Variants in CHRNA3 observed in about 807,000 individuals in gnomAD.
CHRNA3 encodes the protein cholinergic receptor nicotinic alpha 3 subunit.
CHRNA3 carries 34 observed loss-of-function variants against 41.9 expected under a neutral mutation model. That is an observed-to-expected ratio of 0.81 (90% CI 0.62 to 1.08). The LOEUF (loss-of-function observed/expected upper bound fraction) is 1.08. Among genes scored for constraint, CHRNA3 ranks in the 50% least tolerant of loss-of-function variants. CHRNA3 has a pLI of 0.00. For synonymous variants in CHRNA3, 281 were observed against 265.2 expected (o/e 1.06, Z -0.58); for missense variants, 542 against 638.3 (o/e 0.85, Z 1.63).
At chr15:78,606,045 G>T (rs1287622376) in intron 4 of CHRNA3, among the ~76,000 whole-genome samples, 1 of 152,096 alleles carries the variant, frequency 6.6e-6, no homozygotes, top group Non-Finnish European at 1.5e-5. Flanking sequence ...CACAAACTGG[G>T]TACAGCAGCT....
At position 78,596,534 on chromosome 15, in the gene CHRNA3, T is replaced by TCTTACTAGGAAGCA; in HGVS notation, c.*56_*69dup. 2 of 1,372,098 alleles carry TCTTACTAGGAAGCA rather than the reference T, an allele frequency of 1.5e-6. No homozygotes were observed. The highest frequency in any genetic ancestry group is 1.9e-6 in the Non-Finnish European group (2 of 1,057,560). 85.0% of individuals were successfully genotyped at this position (1,372,098 alleles called of 1,614,324 possible). ...GGTAGCTTGATAACAGAAAGTACGT[T>TCTTACTAGGAAGCA]CTTACTAGGAAGCAGCCTCCTCCTG... On this transcript the variant is annotated 3_prime_UTR_variant, in exon 6 of 6. Coordinates refer to ENST00000326828, the MANE Select transcript of CHRNA3 (RefSeq NM_000743.5).
chr15:78,601,423 G>C lies in CHRNA3; in HGVS notation c.1219C>G (p.His407Asp). The C allele has an allele frequency of 4.3e-6, 7 of 1,614,156 alleles. No homozygotes were observed. Among genetic ancestry groups the C allele is most frequent in the Non-Finnish European group, 5.1e-6 (6 of 1,180,032 alleles). ...CQDGMCGYCHHRRIKISNFSA... is the reference protein window; with the variant it reads ...CQDGMCGYCHDRRIKISNFSA... ...AAATTGGAGATTTTTATCCTGCGGT[G>C]GTGGCAGTAACCACACATCCCGTCC... The change falls in exon 5 of 6, where the codon CAC becomes GAC. Residue 407 changes from histidine to aspartate, a missense_variant. Physicochemically the swap from His to Asp is moderately conservative, Grantham distance 81. Transcript: ENST00000326828.
In CHRNA3 at chr15:78,601,548, T is replaced by G. The variant is rs1266712422; in HGVS notation, c.1094A>C (p.Asn365Thr). The change falls in exon 5 of 6, where the codon AAC becomes ACC. Residue 365 changes from asparagine to threonine, a missense_variant. By Grantham distance (65) the Asn-to-Thr change is moderately conservative. Transcript: ENST00000326828. ...FMTRPTSNEG[N>T]AQKPRPLYGA... ...GTAGAGGGGCCTCGGCTTCTGAGCG[T>G]TGCCCTCGTTGCTTGTTGGCCTGGT... 1 of 1,614,178 alleles carries G rather than the reference T, an allele frequency of 6.2e-7. No individual in the cohort carries two copies. Among genetic ancestry groups the G allele is most frequent in the East Asian group, 2.2e-5 (1 of 44,864 alleles).
chr15:78,613,443 C>A (rs1343896352), intron 4 of CHRNA3, among the ~76,000 whole-genome samples: 1 of 145,792 alleles, frequency 6.9e-6, no homozygotes, highest in Non-Finnish European at 1.5e-5. Flanking sequence ...AACTGGAAAC[C>A]ATCATTCTCA....
Position 78,601,377 on chromosome 15 carries a change from C to T in CHRNA3, c.1265G>A (p.Ser422Asn). 1 of 1,614,204 alleles carries T rather than the reference C, an allele frequency of 6.2e-7. No individual in the cohort carries two copies. The highest frequency in any genetic ancestry group is 1.1e-5 in the South Asian group (1 of 91,084). The change falls in exon 5 of 6, where the codon AGC becomes AAC. Residue 422 changes from serine (S) to asparagine (N), a missense_variant. Coordinates refer to ENST00000326828, the MANE Select transcript of CHRNA3 (RefSeq NM_000743.5). ...AGCATCAACAGATTCAGAACTAGAG[C>T]TTCTCGTGAGGTTAGCACTGAAATT... ...ISNFSANLTR[S>N]SSSESVDAVL...
chr15:78,616,728 A>G (rs4887069), intron 4 of CHRNA3, among the ~76,000 whole-genome samples: 46,307 of 151,838 alleles, frequency 0.3, 8,208 homozygotes, highest in East Asian at 0.71. Context: ...CTGAGATCCT[A>G]CACAATCTTC....
rs1322789708 is a variant in CHRNA3, at chr15:78,595,856, A to C, written c.*748T>G. On this transcript the variant is annotated 3_prime_UTR_variant, in exon 6 of 6. Transcript: ENST00000326828. The stretch of plus-strand genomic sequence containing the variant: ...TAAAATAGACCCCACAGAGATAGCT[A>C]GTCCCTTCAGTCATGTGAGGACACA... 6.5e-6 allele frequency: 1 copy of C among 154,140 alleles called. No individual in the cohort carries two copies. Among genetic ancestry groups the C allele is most frequent in the African/African-American group, 2.4e-5 (1 of 41,176 alleles). 9.5% of individuals were successfully genotyped at this position (154,140 alleles called of 1,614,324 possible). A position where few individuals can be genotyped will look rare whatever the true frequency, so the allele number is the denominator to read the frequency against.
Position 78,596,787 on chromosome 15 carries a change from C to T in CHRNA3, c.1390-55G>A, listed in dbSNP as rs1567071062. On this transcript the variant is annotated intron_variant, in intron 5 of 5. Transcript: ENST00000326828. ...ACATGGAGGGAAAGGCAAATGAATA[C>T]ATTTTCAATACTGAAGATGTAATCA... 18 of 1,561,872 alleles carry T rather than the reference C, an allele frequency of 1.2e-5. No homozygotes were observed. The East Asian group carries it at 4.1e-4, about 36-fold the overall frequency.
chr15:78,620,677 C>A, intron 1 of CHRNA3, 36 bp downstream of exon 1: 1 of 1,499,374 alleles, frequency 6.7e-7, no homozygotes, highest in Non-Finnish European at 8.8e-7. Flanking sequence ...TTCTCGGGCG[C>A]CCGTCCCTCC....
In CHRNA3 at chr15:78,602,187, GGA is replaced by G; in HGVS notation, c.453_454del (p.Pro152GlyfsTer4). On this transcript the variant is annotated frameshift_variant, in exon 5 of 6. Coordinates refer to ENST00000326828, the MANE Select transcript of CHRNA3 (RefSeq NM_000743.5). LOFTEE classifies it high-confidence loss of function. ...TTTACAGGAGCTCTTAAAGATGGCC[GGA>G]GGTATCCAAGTCACCTCCCCAGTGT... 1 of 1,614,054 alleles carries G rather than the reference GGA, an allele frequency of 6.2e-7. No homozygotes were observed. Among genetic ancestry groups the G allele is most frequent in the Non-Finnish European group, 8.5e-7 (1 of 1,180,004 alleles).
intron 1 of CHRNA3, 129 bp from the exon 2 acceptor site, chr15:78,619,044 T>C: frequency 1.8e-6 from 2 of 1,104,740 alleles, no homozygotes; most frequent in African/African-American, 3.1e-5. Context: ...ACCCTAGACT[T>C]TCAGGCCAGT....
chr15:78,613,780 A>C (rs28453880), intron 4 of CHRNA3, among the ~76,000 whole-genome samples: 2 of 134,920 alleles, frequency 1.5e-5, no homozygotes, highest in South Asian at 2.3e-4. Flanking sequence ...AAAAAACCAA[A>C]AAAAACCACA....
At chr15:78,597,720 A>AT (rs2053135390) in intron 5 of CHRNA3, among the ~76,000 whole-genome samples, 1 of 152,196 alleles carries the variant, frequency 6.6e-6, no homozygotes, top group Non-Finnish European at 1.5e-5. Flanking sequence ...AGGAAGGAAA[A>AT]TTGTAATTAT....
chr15:78,619,145 T>G, intron 1 of CHRNA3: 1 of 580,916 alleles, frequency 1.7e-6, no homozygotes, highest in Non-Finnish European at 3.1e-6. Context: ...GCACAGTGGT[T>G]GCAAGCCTGG....
In CHRNA3 at chr15:78,601,887, C is replaced by T. The variant is rs200732759; in HGVS notation, c.755G>A (p.Cys252Tyr). The change falls in exon 5 of 6, where the codon TGC becomes TAC. Residue 252 changes from cysteine to tyrosine, a missense_variant. By Grantham distance (194) the Cys-to-Tyr change is radical. Coordinates refer to ENST00000326828, the MANE Select transcript of CHRNA3 (RefSeq NM_000743.5). ...CACAGTGAGGAAGGAGATGAGCAGG[C>T]AGGGGATGATGAGGTTGATGGTGTA... ...LFYTINLIIPCLLISFLTVLV... is the reference protein window; with the variant it reads ...LFYTINLIIPYLLISFLTVLV... 6.2e-7 allele frequency: 1 copy of T among 1,614,014 alleles called. No individual in the cohort carries two copies. The highest frequency in any genetic ancestry group is 8.5e-7 in the Non-Finnish European group (1 of 1,179,976).
At chr15:78,611,055 G>A (rs927896535) in intron 4 of CHRNA3, among the ~76,000 whole-genome samples, 2 of 151,918 alleles carry the variant, frequency 1.3e-5, no homozygotes, top group African/African-American at 2.4e-5. Flanking sequence ...CCAATAACAG[G>A]AGCTGAAATT....
chr15:78,595,352 GAC>G lies in CHRNA3; in HGVS notation c.*1250_*1251del. 6.3e-6 allele frequency: 6 copies of G among 945,844 alleles called. No individual in the cohort carries two copies. The South Asian group carries it at 3.0e-4, about 48-fold the overall frequency. 58.6% of individuals were successfully genotyped at this position (945,844 alleles called of 1,614,324 possible). On this transcript the variant is annotated 3_prime_UTR_variant, in exon 6 of 6. Transcript: ENST00000326828. ...ATTTTTGCACAGGAAAAACTAGTGA[GAC>G]AAGATTCAAACAGTCTCTGTGAATC...
At chr15:78,604,980 T>C (rs2053260761) in intron 4 of CHRNA3, among the ~76,000 whole-genome samples, 1 of 147,860 alleles carries the variant, frequency 6.8e-6, no homozygotes, top group Non-Finnish European at 1.5e-5. Context: ...ACCACTGCAC[T>C]CCAGCCTGGG....
At position 78,596,434 on chromosome 15, in the gene CHRNA3, CTT is replaced by C. The variant is rs1218926092; in HGVS notation, c.*168_*169del. The C allele has an allele frequency of 7.8e-6, 10 of 1,281,436 alleles. No individual in the cohort carries two copies. The highest frequency in any genetic ancestry group is 2.9e-4 in the Middle Eastern group (1 of 3,440). 79.4% of individuals were successfully genotyped at this position (1,281,436 alleles called of 1,614,324 possible). Reference sequence around the variant, plus strand: ...TGTTCATTTATCGGTAATAAATACTCTTGACATTTTTTTTTTTGCATGATTCC... The same window carrying C: ...TGTTCATTTATCGGTAATAAATACTCGACATTTTTTTTTTTGCATGATTCC... On this transcript the variant is annotated 3_prime_UTR_variant, in exon 6 of 6. Coordinates refer to ENST00000326828, the MANE Select transcript of CHRNA3 (RefSeq NM_000743.5).
Sources: gnomAD v4.1 joint callset for allele counts (sites outside exome capture counted in the v4.1 genomes callset) on GRCh38, gnomAD v4.1.1 for gene constraint, MANE v1.5 for transcripts, NCBI Gene and HGNC (gene_info 2026-07-23, HGNC 2026-07-21) for gene names.